Variants in NEGR1 observed in about 807,000 individuals in gnomAD.
NEGR1 encodes the protein neuronal growth regulator 1, also known as IgLON family member 4.
In NEGR1, 10 loss-of-function variants were observed where a neutral mutation model predicts 40.9. The observed-to-expected ratio is 0.24, with a 90% CI of 0.15 to 0.42. The LOEUF (loss-of-function observed/expected upper bound fraction) is 0.42. Among genes scored for constraint, NEGR1 ranks in the 10% least tolerant of loss-of-function variants. The pLI is 1.00. For missense variants in NEGR1, 352 were observed against 438.9 expected, an observed-to-expected ratio of 0.80 and a Z score of 1.77; for synonymous variants, 185 against 166.8, an observed-to-expected ratio of 1.11 and a Z score of -0.84.
intron 1 of NEGR1, among the ~76,000 whole-genome samples, chr1:71,954,699 C>A (rs1015480121): frequency 1.3e-5 from 2 of 151,990 alleles, no homozygotes; most frequent in African/African-American, 4.8e-5. Context: ...ATGATCAATG[C>A]TTTTCTGACT....
intron 1 of NEGR1, among the ~76,000 whole-genome samples, chr1:72,143,758 T>C (rs1429268274): frequency 6.7e-6 from 1 of 149,430 alleles, no homozygotes; most frequent in Non-Finnish European, 1.5e-5. Context: ...TTGATCTATA[T>C]ACACATTTTA....
intron 1 of NEGR1, among the ~76,000 whole-genome samples, chr1:72,024,434 A>C (rs2100426013): frequency 6.6e-6 from 1 of 152,196 alleles, no homozygotes; most frequent in South Asian, 2.1e-4. Flanking sequence ...CTTCATATTA[A>C]ATTATATGAT....
intron 1 of NEGR1, among the ~76,000 whole-genome samples, chr1:71,977,653 G>A (rs1557465057): frequency 1.3e-5 from 2 of 151,044 alleles, no homozygotes; most frequent in Non-Finnish European, 2.9e-5. Context: ...GCAATTTGGA[G>A]AACACACCAG....
chr1:72,233,416 C>T (rs1654442883), intron 1 of NEGR1, among the ~76,000 whole-genome samples: 1 of 152,056 alleles, frequency 6.6e-6, no homozygotes, highest in Non-Finnish European at 1.5e-5. Context: ...GCATAGTACA[C>T]AATAGGAAGT....
intron 1 of NEGR1, among the ~76,000 whole-genome samples, chr1:72,196,847 G>A (rs927765576): frequency 6.6e-6 from 1 of 150,940 alleles, no homozygotes; most frequent in Non-Finnish European, 1.5e-5. Context: ...GAGATAATAA[G>A]GCATAGTGCC....
At chr1:71,653,500 T>C (rs1651781668) in intron 4 of NEGR1, among the ~76,000 whole-genome samples, 1 of 152,234 alleles carries the variant, frequency 6.6e-6, no homozygotes, top group Admixed American at 6.5e-5. Context: ...TATTTCTTTG[T>C]ATTAGATTGA....
At chr1:72,118,856 T>A (rs996368281) in intron 1 of NEGR1, among the ~76,000 whole-genome samples, 2 of 151,792 alleles carry the variant, frequency 1.3e-5, no homozygotes, top group Non-Finnish European at 2.9e-5. Flanking sequence ...GGCACTATTT[T>A]CAACCAAATT....
At chr1:72,224,452 C>T (rs181337623) in intron 1 of NEGR1, among the ~76,000 whole-genome samples, 44 of 152,090 alleles carry the variant, frequency 2.9e-4, no homozygotes, top group African/African-American at 8.7e-4. Context: ...AAAAGAGTTC[C>T]ATGCACAAGA....
intron 2 of NEGR1, among the ~76,000 whole-genome samples, chr1:71,921,049 T>C (rs1197293488): frequency 6.6e-6 from 1 of 152,200 alleles, no homozygotes; most frequent in Non-Finnish European, 1.5e-5. Flanking sequence ...CATTTAATAA[T>C]TATGCATACT....
At chr1:71,646,224 A>C (rs569925859) in intron 4 of NEGR1, among the ~76,000 whole-genome samples, 1 of 141,074 alleles carries the variant, frequency 7.1e-6, no homozygotes, top group South Asian at 2.1e-4. Context: ...ACATAAACAC[A>C]TATATATACA....
chr1:72,002,491 C>T (rs1646566330), intron 1 of NEGR1, among the ~76,000 whole-genome samples: 1 of 152,008 alleles, frequency 6.6e-6, no homozygotes, highest in South Asian at 2.1e-4. Flanking sequence ...GTTCCATCCA[C>T]AATTATGATA....
intron 1 of NEGR1, among the ~76,000 whole-genome samples, chr1:72,129,973 T>A (rs1650180676): frequency 6.6e-6 from 1 of 152,066 alleles, no homozygotes; most frequent in African/African-American, 2.4e-5. Context: ...GCTTTGAGAG[T>A]TTCACCCCCT....
chr1:71,899,718 G>T (rs979220317), intron 2 of NEGR1, among the ~76,000 whole-genome samples: 9 of 151,964 alleles, frequency 5.9e-5, no homozygotes, highest in Non-Finnish European at 2.9e-5. Context: ...CTTATTTATA[G>T]TTGGGAATGA....
intron 6 of NEGR1, among the ~76,000 whole-genome samples, chr1:71,459,600 T>C (rs1236772607): frequency 6.6e-6 from 1 of 152,196 alleles, no homozygotes; most frequent in Non-Finnish European, 1.5e-5. Context: ...CTCTTTGCTC[T>C]TACTAATCCC....
chr1:71,455,232 A>G (rs1366742624), intron 6 of NEGR1, among the ~76,000 whole-genome samples: 2 of 152,228 alleles, frequency 1.3e-5, no homozygotes, highest in African/African-American at 4.8e-5. Context: ...CTGAGATTAA[A>G]AAACCCTGCC....
At chr1:72,002,384 C>T (rs922568004) in intron 1 of NEGR1, among the ~76,000 whole-genome samples, 12 of 151,964 alleles carry the variant, frequency 7.9e-5, no homozygotes, top group East Asian at 1.9e-4. Context: ...TTTTCATTCT[C>T]GCATTGAATT....
chr1:71,922,308 T>C (rs535751891), intron 2 of NEGR1, among the ~76,000 whole-genome samples: 1 of 152,242 alleles, frequency 6.6e-6, no homozygotes, highest in Non-Finnish European at 1.5e-5. Flanking sequence ...TCCCATTGAG[T>C]GAACCCTGCC....
At chr1:71,942,977 A>AT (rs1557446726) in intron 1 of NEGR1, among the ~76,000 whole-genome samples, 1 of 119,510 alleles carries the variant, frequency 8.4e-6, no homozygotes, top group Non-Finnish European at 1.9e-5. Flanking sequence ...TATATATATA[A>AT]GTATATATGT....
chr1:71,899,014 A>G (rs1396806206), intron 2 of NEGR1, among the ~76,000 whole-genome samples: 2 of 117,804 alleles, frequency 1.7e-5, no homozygotes, highest in Non-Finnish European at 3.6e-5. Flanking sequence ...ATATATATAT[A>G]TGGCAACTAA....
Sources: gnomAD v4.1 joint callset for allele counts (sites outside exome capture counted in the v4.1 genomes callset) on GRCh38, gnomAD v4.1.1 for gene constraint, MANE v1.5 for transcripts, NCBI Gene and HGNC (gene_info 2026-07-23, HGNC 2026-07-21) for gene names.